Variants in TTC8 observed in about 807,000 individuals in gnomAD.
TTC8 encodes the protein tetratricopeptide repeat protein 8.
TTC8 carries 47 observed loss-of-function variants against 72.5 expected under a neutral mutation model. That is an observed-to-expected ratio of 0.65 (90% CI 0.51 to 0.83). TTC8 has a LOEUF of 0.83. Among genes scored for constraint, TTC8 ranks in the 40% least tolerant of loss-of-function variants. TTC8 has a pLI of 0.00. For synonymous variants in TTC8, 199 were observed against 221.4 expected (o/e 0.90, Z 0.90); for missense variants, 611 against 623.2 (o/e 0.98, Z 0.21).
At chr14:88,858,990 C>A (rs906354361) in intron 9 of TTC8, among the ~76,000 whole-genome samples, 1 of 151,996 alleles carries the variant, frequency 6.6e-6, no homozygotes, top group East Asian at 1.9e-4. Context: ...CACTATTTGA[C>A]TATCATCTTA....
chr14:88,869,355 G>T (rs1245669345), intron 10 of TTC8, among the ~76,000 whole-genome samples: 1 of 152,008 alleles, frequency 6.6e-6, no homozygotes, highest in Non-Finnish European at 1.5e-5. Flanking sequence ...CTTGGTCTTG[G>T]TTGCTGTCTT....
At chr14:88,879,377 CA>C (rs1177757836), downstream of TTC8, 1 of 152,112 alleles carries the variant, frequency 6.6e-6, no homozygotes, top group Admixed American at 6.6e-5. Context: ...AAGAGGTGCT[CA>C]ATCCATAAAT....
Position 88,843,778 on chromosome 14 carries a change from C to A in TTC8, c.580-28C>A, listed in dbSNP as rs200633752. 6.6e-4 allele frequency: 1,020 copies of A among 1,553,192 alleles called. 12 individuals carry two copies. The East Asian group carries it at 0.02, about 31-fold the overall frequency. On this transcript the variant is annotated intron_variant, in intron 6 of 14. Coordinates refer to ENST00000380656, the MANE Select transcript of TTC8 (RefSeq NM_144596.4). ...CAGCAAATTAAAAAAAAAAATCTAA[C>A]GTATTTTTGACACTTTTTTCTTCAC...
chr14:88,832,413 A>G (rs1298201596), intron 1 of TTC8, among the ~76,000 whole-genome samples: 1 of 151,754 alleles, frequency 6.6e-6, no homozygotes, highest in Non-Finnish European at 1.5e-5. Context: ...TCTATAATAT[A>G]TTGGATTTAT....
At position 88,841,169 on chromosome 14, in the gene TTC8, C is replaced by G; in HGVS notation, c.462C>G (p.Ser154=). The part of the protein sequence containing the change: ...TAYTARPITS[S]SGRFVRLGTA... The stretch of plus-strand genomic sequence containing the variant: ...ACACAGCCCGCCCTATCACCAGCTC[C>G]TCCGGAAGATTTGTCAGGCTGGGAA... Residue 154 remains serine, a synonymous_variant, in exon 5 of 15, where the codon TCC becomes TCG. Coordinates refer to ENST00000380656, the MANE Select transcript of TTC8 (RefSeq NM_144596.4). 6.2e-7 allele frequency: 1 copy of G among 1,614,094 alleles called. No individual in the cohort carries two copies. Among genetic ancestry groups the G allele is most frequent in the South Asian group, 1.1e-5 (1 of 91,080 alleles).
At chr14:88,831,028 C>G in intron 1 of TTC8, 1 of 395,344 alleles carries the variant, frequency 2.5e-6, no homozygotes, top group Non-Finnish European at 5.1e-6. Flanking sequence ...TGCCTCTATA[C>G]CTTTGAGGTA....
chr14:88,879,195 A>C (rs1051362667), downstream of TTC8: 8 of 152,220 alleles, frequency 5.3e-5, no homozygotes, highest in African/African-American at 1.9e-4. Flanking sequence ...ACAGTGGCTC[A>C]GGGCAGAATG....
chr14:88,867,269 G>A (rs1463968947), intron 10 of TTC8, among the ~76,000 whole-genome samples: 2 of 152,070 alleles, frequency 1.3e-5, no homozygotes, highest in Non-Finnish European at 2.9e-5. Context: ...GTTAAAAAAA[G>A]GAAACATATG....
chr14:88,853,128 A>T lies in TTC8; in HGVS notation c.710+72A>T, dbSNP rs1240583653. Reference sequence around the variant, plus strand: ...AGGGTCTCAAATCTGATACTTTTTGAGGGGGGGGAGATTTTCCCATGAAGA... The same window carrying T: ...AGGGTCTCAAATCTGATACTTTTTGTGGGGGGGGAGATTTTCCCATGAAGA... On this transcript the variant is annotated intron_variant, in intron 8 of 14. Coordinates refer to ENST00000380656, the MANE Select transcript of TTC8 (RefSeq NM_144596.4). 3 of 1,075,780 alleles carry T rather than the reference A, an allele frequency of 2.8e-6. No individual in the cohort carries two copies. The East Asian group carries it at 7.5e-5, about 27-fold the overall frequency. 66.6% of individuals were successfully genotyped at this position (1,075,780 alleles called of 1,614,324 possible).
At chr14:88,832,121 A>T (rs1250198102) in intron 1 of TTC8, among the ~76,000 whole-genome samples, 1 of 151,888 alleles carries the variant, frequency 6.6e-6, no homozygotes, top group African/African-American at 2.4e-5. Context: ...CTGCACATTG[A>T]TGATTTCCTG....
downstream of TTC8, chr14:88,879,517 C>G (rs1845532868): frequency 2.0e-5 from 3 of 151,976 alleles, no homozygotes; most frequent in African/African-American, 7.3e-5. Context: ...ACAAATGTGT[C>G]ATGGCTGAGC....
At chr14:88,834,096 C>T (rs2094738871) in intron 2 of TTC8, 1 of 286,186 alleles carries the variant, frequency 3.5e-6, no homozygotes, top group South Asian at 3.7e-5. Context: ...GATGGGATGG[C>T]ATGTCTTGAG....
chr14:88,828,355 C>T (rs9323833), intron 1 of TTC8, among the ~76,000 whole-genome samples: 17,145 of 152,160 alleles, frequency 0.11, 1,049 homozygotes, highest in African/African-American at 0.13. Context: ...GTGACCAGAG[C>T]GTGAGCAGAT....
chr14:88,865,961 T>A (rs929064116), intron 10 of TTC8, among the ~76,000 whole-genome samples: 1 of 152,048 alleles, frequency 6.6e-6, no homozygotes, highest in African/African-American at 2.4e-5. Flanking sequence ...ATTAAGCCAA[T>A]TGCATTACTT....
intron 13 of TTC8, among the ~76,000 whole-genome samples, chr14:88,873,189 T>C (rs1332655505): frequency 6.6e-6 from 1 of 152,206 alleles, no homozygotes; most frequent in Non-Finnish European, 1.5e-5. Flanking sequence ...CCACATCTTT[T>C]GCCACTCCTT....
chr14:88,872,099 C>T (rs903329651), intron 12 of TTC8, among the ~76,000 whole-genome samples: 15 of 152,232 alleles, frequency 9.9e-5, no homozygotes, highest in African/African-American at 3.6e-4. Flanking sequence ...AGGAATTATC[C>T]TACATCCAGG....
chr14:88,859,877 T>TTATATTATATAATATATAATATAA (rs1197709962), intron 9 of TTC8, among the ~76,000 whole-genome samples: 5 of 76,762 alleles, frequency 6.5e-5, no homozygotes, highest in East Asian at 7.9e-4. Flanking sequence ...ATAAATATAT[T>TTATATTATATAATATATAATATAA]ATATATTATA....
rs1400716037 is a variant in TTC8 at position 88,877,768 on chromosome 14, A to C, written c.*358A>C. The C allele has an allele frequency of 3.3e-5, 6 of 181,658 alleles. No individual in the cohort carries two copies. The East Asian group carries it at 9.0e-4, about 27-fold the overall frequency. 11.3% of individuals were successfully genotyped at this position (181,658 alleles called of 1,614,324 possible). ...TAAGTCCTTAAGCTGACTCTTAGCC[A>C]TCATGTAGCTTAAGGAGTCTGAAAT... On this transcript the variant is annotated 3_prime_UTR_variant, in exon 15 of 15. Coordinates refer to ENST00000380656, the MANE Select transcript of TTC8 (RefSeq NM_144596.4).
chr14:88,850,035 C>T (rs1024526446), intron 7 of TTC8, among the ~76,000 whole-genome samples: 1 of 152,046 alleles, frequency 6.6e-6, no homozygotes, highest in African/African-American at 2.4e-5. Flanking sequence ...TATAAACTTA[C>T]TGCTTTAAAA....
Sources: gnomAD v4.1 joint callset for allele counts (sites outside exome capture counted in the v4.1 genomes callset) on GRCh38, gnomAD v4.1.1 for gene constraint, MANE v1.5 for transcripts, NCBI Gene and HGNC (gene_info 2026-07-23, HGNC 2026-07-21) for gene names.